The following GARIN1B variants were observed in gnomAD, a reference collection of about 807,000 sequenced individuals.
The protein encoded by GARIN1B is golgi associated RAB2 interactor 1B.
chr7:128,719,374 A>G, the GARIN1B span, among the ~76,000 whole-genome samples: 1 of 152,034 alleles, frequency 6.6e-6, no homozygotes, highest in South Asian at 2.1e-4. Flanking sequence ...CACAGTTTCA[A>G]CACTTTCAGT....
At chr7:128,715,554 G>T in the GARIN1B span, 1 of 1,614,128 alleles carries the variant, frequency 6.2e-7, no homozygotes. Context: ...GAATTCAGGG[G>T]CCTCTTGCCT....
chr7:128,719,481 T>C, the GARIN1B span, among the ~76,000 whole-genome samples: 16 of 151,972 alleles, frequency 1.1e-4, no homozygotes, highest in South Asian at 3.1e-3. Context: ...AGTCATTCCC[T>C]GTTCCTACTC....
At chr7:128,723,418 C>T in the GARIN1B span, 2 of 1,459,780 alleles carry the variant, frequency 1.4e-6, no homozygotes, top group Middle Eastern at 1.9e-4. Flanking sequence ...TTAATGAGCG[C>T]AGGGTTTTAC....
chr7:128,720,848 C>T, the GARIN1B span, among the ~76,000 whole-genome samples: 1 of 152,114 alleles, frequency 6.6e-6, no homozygotes, highest in Admixed American at 6.5e-5. Context: ...GTTAATAAAA[C>T]AATGTCTTGG....
chr7:128,723,057 A>T, the GARIN1B span: 1 of 1,012,930 alleles, frequency 9.9e-7, no homozygotes, highest in Non-Finnish European at 1.4e-6. Context: ...TGGCCTCAGA[A>T]TTGCCTCTGT....
the GARIN1B span, chr7:128,726,775 G>A: frequency 2.3e-5 from 37 of 1,598,986 alleles, no homozygotes; most frequent in Non-Finnish European, 3.1e-5. Flanking sequence ...CAAATTTAAT[G>A]TTCTTTTCCT....
At chr7:128,725,154 A>C in the GARIN1B span, 1 of 183,940 alleles carries the variant, frequency 5.4e-6, no homozygotes, top group Non-Finnish European at 1.2e-5. Flanking sequence ...CACAAGAAAA[A>C]GACTTATCTG....
the GARIN1B span, chr7:128,730,177 G>A: frequency 7.7e-7 from 1 of 1,304,418 alleles, no homozygotes; most frequent in Non-Finnish European, 1.1e-6. Context: ...AAGTTGTGGG[G>A]TGTGGTCGAG....
chr7:128,717,030 G>T, the GARIN1B span: 2 of 1,548,718 alleles, frequency 1.3e-6, no homozygotes, highest in Middle Eastern at 1.7e-4. Flanking sequence ...GAGGACAAGA[G>T]GGGTGAGGGG....
At chr7:128,712,075 G>A in the GARIN1B span, among the ~76,000 whole-genome samples, 1 of 152,086 alleles carries the variant, frequency 6.6e-6, no homozygotes, top group African/African-American at 2.4e-5. Flanking sequence ...AAACCTTGCT[G>A]TATTTTCCAA....
chr7:128,729,924 C>G, the GARIN1B span: 1 of 1,614,042 alleles, frequency 6.2e-7, no homozygotes, highest in Non-Finnish European at 8.5e-7. Context: ...CCCGTGAAGA[C>G]AGCATCCCTT....
At chr7:128,727,806 C>A in the GARIN1B span, among the ~76,000 whole-genome samples, 3 of 152,130 alleles carry the variant, frequency 2.0e-5, no homozygotes, top group African/African-American at 4.8e-5. Flanking sequence ...CTACCCTTCA[C>A]ACAACACCTT....
At chr7:128,730,368 CTCTT>C in the GARIN1B span, among the ~76,000 whole-genome samples, 1 of 152,094 alleles carries the variant, frequency 6.6e-6, no homozygotes. Flanking sequence ...GGTCTTTCCT[CTCTT>C]TTCCTTTCCT....
the GARIN1B span, chr7:128,724,632 G>A: frequency 1.0e-6 from 1 of 995,614 alleles, no homozygotes; most frequent in Non-Finnish European, 1.3e-6. Flanking sequence ...AGAATATTCA[G>A]TCCCAGATAA....
At chr7:128,723,351 T>C in the GARIN1B span, 1 of 1,596,646 alleles carries the variant, frequency 6.3e-7, no homozygotes, top group Admixed American at 1.7e-5. Context: ...GCCTCTGACA[T>C]TCCCTCCTGC....
chr7:128,717,286 C>A, the GARIN1B span, among the ~76,000 whole-genome samples: 34 of 151,992 alleles, frequency 2.2e-4, no homozygotes, highest in African/African-American at 8.0e-4. Flanking sequence ...AGCATTGGGC[C>A]CAAGGGCAAG....
the GARIN1B span, chr7:128,729,853 G>A: frequency 1.3e-6 from 2 of 1,587,684 alleles, no homozygotes; most frequent in East Asian, 2.2e-5. Flanking sequence ...AACCTGTAAG[G>A]GCTCTGTGAA....
the GARIN1B span, among the ~76,000 whole-genome samples, chr7:128,709,603 G>A: frequency 5.8e-3 from 882 of 152,210 alleles, 9 homozygotes; most frequent in African/African-American, 0.02. Flanking sequence ...TCTGAGGCCA[G>A]TATCCTTTTA....
At chr7:128,714,114 G>A in the GARIN1B span, 40 of 1,535,826 alleles carry the variant, frequency 2.6e-5, no homozygotes, top group Non-Finnish European at 3.3e-5. Context: ...CCAGAGGGAA[G>A]GACTGATGGA....
Sources: gnomAD v4.1 joint callset for allele counts (sites outside exome capture counted in the v4.1 genomes callset) on GRCh38, gnomAD v4.1.1 for gene constraint, MANE v1.5 for transcripts, NCBI Gene and HGNC (gene_info 2026-07-23, HGNC 2026-07-21) for gene names.